The following IGF2R variants were observed in gnomAD, a reference collection of about 807,000 sequenced individuals.
IGF2R encodes cation-independent mannose-6-phosphate receptor.
IGF2R carries 91 observed loss-of-function variants against 270.6 expected under a neutral mutation model. The observed-to-expected ratio is 0.34, with a 90% confidence interval of 0.28 to 0.40. The LOEUF is 0.40. IGF2R is among the 10% of genes least tolerant of loss of function. The pLI is 1.00. For missense variants in IGF2R, 2,805 were observed against 3,188.3 expected, an observed-to-expected ratio of 0.88 and a Z score of 2.90; for synonymous variants, 1,316 against 1,258.9, an observed-to-expected ratio of 1.05 and a Z score of -0.96.
chr6:159,973,374 G>A (rs1180443434), intron 1 of IGF2R, among the ~76,000 whole-genome samples: 6 of 152,148 alleles, frequency 3.9e-5, no homozygotes, highest in Admixed American at 3.9e-4. Flanking sequence ...TAATGCTTTG[G>A]GATGGTTAGA....
chr6:160,012,742 A>T (rs1170523915), intron 4 of IGF2R, among the ~76,000 whole-genome samples: 1 of 103,492 alleles, frequency 9.7e-6, no homozygotes, highest in East Asian at 4.2e-4. Context: ...ATGCCCGGCT[A>T]ATTTATATAT....
Position 160,040,692 on chromosome 6 carries a change from G to T in IGF2R, c.1448G>T (p.Arg483Leu), listed in dbSNP as rs774499638. 6.2e-7 allele frequency: 1 copy of T among 1,614,180 alleles called. No individual in the cohort carries two copies. Among genetic ancestry groups the T allele is most frequent in the Middle Eastern group, 1.7e-4 (1 of 6,040 alleles). The change falls in exon 11 of 48, where the codon CGC (arginine) becomes CTC (leucine). Residue 483 changes from arginine to leucine, a missense_variant. Arg to Leu is a moderately radical substitution (Grantham distance 102). Around this residue, in one of 2 missense-constraint regions of IGF2R, gnomAD observed 954 missense variants for 981.1 expected, o/e 0.97. Transcript: ENST00000356956. ...TGCGGTGCCACCGACGGGAAGAAGC[G>T]CTATGACCTGTCCGCGCTGGTCCGC... ...LLCGATDGKK[R>L]YDLSALVRHA...
chr6:160,045,709 G>A (rs777135110), intron 13 of IGF2R, 36 bp from the exon 14 acceptor site: 24 of 1,612,514 alleles, frequency 1.5e-5, no homozygotes, highest in East Asian at 6.7e-5. Flanking sequence ...AGGAATGAAC[G>A]GATTAGTGAT....
At chr6:159,995,654 A>G (rs1441289825) in intron 2 of IGF2R, among the ~76,000 whole-genome samples, 1 of 151,966 alleles carries the variant, frequency 6.6e-6, no homozygotes, top group Non-Finnish European at 1.5e-5. Context: ...CCTACAATGA[A>G]TTTTTCATTT....
intron 19 of IGF2R, among the ~76,000 whole-genome samples, chr6:160,052,578 A>C (rs1216305773): frequency 6.6e-6 from 1 of 152,226 alleles, no homozygotes; most frequent in Admixed American, 6.5e-5. Flanking sequence ...AATTGGAAAA[A>C]ACTACTTTAA....
At chr6:160,049,749 TAAAG>T (rs1480631137) in intron 18 of IGF2R, among the ~76,000 whole-genome samples, 4 of 152,166 alleles carry the variant, frequency 2.6e-5, no homozygotes, top group South Asian at 2.1e-4. Context: ...TTCTGTAAAA[TAAAG>T]AGAGTAGAAT....
intron 39 of IGF2R, among the ~76,000 whole-genome samples, chr6:160,082,824 A>T (rs1467610130): frequency 6.6e-6 from 1 of 152,210 alleles, no homozygotes; most frequent in Non-Finnish European, 1.5e-5. Context: ...TGGAGTCTGC[A>T]GGTGCTCCTG....
intron 41 of IGF2R, among the ~76,000 whole-genome samples, chr6:160,087,811 G>C (rs1446631376): frequency 1.3e-5 from 2 of 152,150 alleles, no homozygotes; most frequent in African/African-American, 4.8e-5. Flanking sequence ...GAGTAGCTGG[G>C]ATTACAGGCA....
At chr6:160,032,440 A>G in intron 7 of IGF2R, 111 bp from the exon 8 acceptor site, 6 of 958,928 alleles carry the variant, frequency 6.3e-6, no homozygotes, top group Non-Finnish European at 9.2e-6. Context: ...CAGAAACAGC[A>G]AAATGTAGAA....
intron 29 of IGF2R, among the ~76,000 whole-genome samples, chr6:160,065,814 GTATATA>G (rs59035193): frequency 0.011 from 824 of 78,390 alleles, 22 homozygotes; most frequent in East Asian, 0.037. Flanking sequence ...GTGTGTGTGT[GTATATA>G]TATATATATA....
intron 5 of IGF2R, among the ~76,000 whole-genome samples, chr6:160,024,905 C>T (rs1353205250): frequency 6.6e-6 from 1 of 152,188 alleles, no homozygotes; most frequent in Non-Finnish European, 1.5e-5. Flanking sequence ...CCTCCCCAAC[C>T]CCTGTAGATT....
chr6:160,028,866 G>GT (rs891133326), intron 6 of IGF2R, among the ~76,000 whole-genome samples: 3 of 150,494 alleles, frequency 2.0e-5, no homozygotes, highest in African/African-American at 7.3e-5. Context: ...ATTTACAACC[G>GT]TTTTTTGCTT....
intron 4 of IGF2R, among the ~76,000 whole-genome samples, chr6:160,022,357 C>T (rs1777457472): frequency 1.3e-5 from 2 of 152,182 alleles, no homozygotes; most frequent in South Asian, 2.1e-4. Context: ...GTGCAATATC[C>T]ATGTAATACA....
chr6:159,992,724 CAT>C (rs910598640), intron 2 of IGF2R, among the ~76,000 whole-genome samples: 2 of 152,182 alleles, frequency 1.3e-5, no homozygotes, highest in Admixed American at 1.3e-4. Context: ...CTGTGATAAA[CAT>C]ATGAGTGCAG....
intron 12 of IGF2R, among the ~76,000 whole-genome samples, chr6:160,044,254 A>G (rs1265749671): frequency 6.6e-6 from 1 of 152,164 alleles, no homozygotes; most frequent in African/African-American, 2.4e-5. Flanking sequence ...TGCATCCTTC[A>G]TGGCGCTTTC....
intron 26 of IGF2R, 34 bp downstream of exon 26, chr6:160,062,653 A>C: frequency 6.7e-7 from 1 of 1,485,120 alleles, no homozygotes; most frequent in Non-Finnish European, 9.4e-7. Context: ...AGTCATTTTA[A>C]ATGTATAGAG....
chr6:160,088,176 CTG>C (rs763051209), intron 42 of IGF2R, 29 bp downstream of exon 42: 1 of 1,347,748 alleles, frequency 7.4e-7, no homozygotes, highest in Admixed American at 1.7e-5. Context: ...CAGAGCGGGA[CTG>C]TGCAGTGAGC....
rs74515649 is a variant in IGF2R at position 160,022,731 on chromosome 6, C to T, written c.514-1841C>T. Among the ~76,000 whole-genome samples, 1,309 of 152,310 alleles carry T rather than the reference C, an allele frequency of 8.6e-3. 19 individuals carry two copies. Among genetic ancestry groups the T allele is most frequent in the Non-Finnish European group, 0.014 (946 of 68,020 alleles). On this transcript the variant is annotated intron_variant, in intron 4 of 47. Transcript: ENST00000356956. ...GATGGCAGTACCTAGTATCATACATCACAGTGCTGTGAACAAAAGTGAGGC... is the reference window on the plus strand; with the variant it reads ...GATGGCAGTACCTAGTATCATACATTACAGTGCTGTGAACAAAAGTGAGGC...
chr6:160,064,758 A>C (rs749731755), intron 28 of IGF2R, 46 bp from the exon 29 acceptor site: 1 of 1,357,816 alleles, frequency 7.4e-7, no homozygotes. Flanking sequence ...TATAAACTAA[A>C]GTTTTGCATT....
Sources: allele counts gnomAD v4.1 joint callset (sites outside exome capture counted in the v4.1 genomes callset), GRCh38; gene constraint gnomAD v4.1.1; regional missense constraint gnomAD v4.1.1; transcripts MANE v1.5; gene names NCBI Gene and HGNC (gene_info 2026-07-23, HGNC 2026-07-21).